The following PRPS1 variants were observed in gnomAD, a reference collection of about 807,000 sequenced individuals.
PRPS1 encodes ribose-phosphate pyrophosphokinase 1.
In PRPS1, 1 loss-of-function variant was observed where a neutral mutation model predicts 16.9. The observed-to-expected ratio is 0.06, with a 90% CI of 0.02 to 0.28. The LOEUF is 0.28. Among genes scored for constraint, PRPS1 ranks in the 10% least tolerant of loss-of-function variants. The pLI is 1.00. For synonymous variants in PRPS1, 70 were observed against 90.2 expected, an observed-to-expected ratio of 0.78 and a Z score of 1.27; for missense variants, 47 against 254.0, an observed-to-expected ratio of 0.19 and a Z score of 5.54.
intron 4 of PRPS1, among the ~76,000 whole-genome samples, chrX:107,644,440 AC>A (rs1470971896): frequency 8.9e-6 from 1 of 111,811 alleles, no homozygotes; most frequent in Non-Finnish European, 1.9e-5. Flanking sequence ...TTCTCTTCTC[AC>A]CACATCCCCA....
At chrX:107,638,577 C>T (rs1925496494) in intron 1 of PRPS1, among the ~76,000 whole-genome samples, 1 of 110,881 alleles carries the variant, frequency 9.0e-6, no homozygotes, top group Non-Finnish European at 1.9e-5. Context: ...TTCCCTTATA[C>T]TTTATTGTTA....
intron 5 of PRPS1, among the ~76,000 whole-genome samples, chrX:107,647,267 C>G (rs1925717174): frequency 8.9e-6 from 1 of 112,464 alleles, no homozygotes; most frequent in Non-Finnish European, 1.9e-5. Context: ...CACTCACACA[C>G]AAAGAGGTCA....
At chrX:107,646,171 C>T (rs980129865) in intron 5 of PRPS1, among the ~76,000 whole-genome samples, 42 of 111,553 alleles carry the variant, frequency 3.8e-4, no homozygotes, top group African/African-American at 1.3e-3. Flanking sequence ...AGTACAATTA[C>T]GGCTCACTGC....
chrX:107,630,738 A>AACAC (rs111543861), intron 1 of PRPS1, among the ~76,000 whole-genome samples: 4,464 of 95,868 alleles, frequency 0.047, 206 homozygotes, highest in African/African-American at 0.14. Context: ...TTATTTAGGA[A>AACAC]ACACACACAC....
At chrX:107,634,641 TC>T (rs1193656886) in intron 1 of PRPS1, among the ~76,000 whole-genome samples, 1 of 110,523 alleles carries the variant, frequency 9.0e-6, no homozygotes, top group African/African-American at 3.3e-5. Flanking sequence ...TTTAGAAACT[TC>T]CAGGCAAAAA....
At chrX:107,645,094 G>A (rs895650199) in intron 4 of PRPS1, 83 bp from the exon 5 acceptor site, 4 of 1,107,898 alleles carry the variant, frequency 3.6e-6, no homozygotes, top group Admixed American at 4.4e-5. Flanking sequence ...GATTACAGGC[G>A]TGAGCCACCG....
rs188712487 is a variant in PRPS1, at chrX:107,633,101, C to T, written c.122+4351C>T. Among the ~76,000 whole-genome samples, 62 of 111,532 alleles carry T rather than the reference C, an allele frequency of 5.6e-4. 1 individual carries two copies. Among genetic ancestry groups the T allele is most frequent in the African/African-American group, 2.0e-3 (61 of 30,756 alleles). On this transcript the variant is annotated intron_variant, in intron 1 of 6. Transcript: ENST00000372435. ...TTAGATACATGCCTTATAACAAACACCTTCTATGCTGAAGGTAGCTTTTAA... is the reference window on the plus strand; with the variant it reads ...TTAGATACATGCCTTATAACAAACATCTTCTATGCTGAAGGTAGCTTTTAA...
intron 1 of PRPS1, among the ~76,000 whole-genome samples, chrX:107,634,372 G>T (rs1288939223): frequency 9.3e-6 from 1 of 107,219 alleles, no homozygotes; most frequent in Non-Finnish European, 1.9e-5. Context: ...CCACCACCAC[G>T]CCCAGCTAAT....
At chrX:107,641,127 T>A (rs1925563814) in intron 3 of PRPS1, 127 bp downstream of exon 3, 1 of 1,181,291 alleles carries the variant, frequency 8.5e-7, no homozygotes, top group Non-Finnish European at 1.1e-6. Context: ...CAACAACATT[T>A]TAAATGTGTT....
chrX:107,642,523 C>T, intron 4 of PRPS1, 33 bp downstream of exon 4: 2 of 1,207,733 alleles, frequency 1.7e-6, no homozygotes, highest in Non-Finnish European at 2.2e-6. Flanking sequence ...TCCCAATGTA[C>T]TGGGAAAATC....
chrX:107,632,498 C>T (rs1339566769), intron 1 of PRPS1, among the ~76,000 whole-genome samples: 2 of 112,208 alleles, frequency 1.8e-5, no homozygotes, highest in East Asian at 5.6e-4. Context: ...TACACTTATG[C>T]CTGACCTTAA....
At chrX:107,637,948 ATATT>A (rs1925478017) in intron 1 of PRPS1, among the ~76,000 whole-genome samples, 1 of 103,639 alleles carries the variant, frequency 9.6e-6, no homozygotes, top group African/African-American at 3.6e-5. Flanking sequence ...ATATATATAT[ATATT>A]TTTTTGATAT....
chrX:107,639,265 T>G (rs367746767), intron 1 of PRPS1, 30 bp from the exon 2 acceptor site: 9 of 1,201,087 alleles, frequency 7.5e-6, no homozygotes, highest in Non-Finnish European at 1.0e-5. Flanking sequence ...GTTTAAAATC[T>G]ATTTCATGTT....
chrX:107,638,133 G>A (rs779642170), intron 1 of PRPS1, among the ~76,000 whole-genome samples: 3 of 107,506 alleles, frequency 2.8e-5, no homozygotes, highest in East Asian at 2.9e-4. Flanking sequence ...TATTTGAGAC[G>A]GAGTCTCACT....
At chrX:107,638,636 G>C (rs1317522304) in intron 1 of PRPS1, among the ~76,000 whole-genome samples, 2 of 111,552 alleles carry the variant, frequency 1.8e-5, no homozygotes, top group African/African-American at 6.5e-5. Flanking sequence ...ACCCAGGCTG[G>C]TTTTGAACTC....
At chrX:107,635,062 C>T (rs867027838) in intron 1 of PRPS1, among the ~76,000 whole-genome samples, 2 of 111,261 alleles carry the variant, frequency 1.8e-5, no homozygotes, top group South Asian at 7.6e-4. Context: ...AGGATGGTCT[C>T]GATCACCTGA....
rs749112922 is a variant in PRPS1 at position 107,639,876 on chromosome X, C to CATAG, written c.306+418_306+421dup. Among the ~76,000 whole-genome samples the CATAG allele has an allele frequency of 9.2e-3, 1,025 of 111,840 alleles. 13 individuals carry two copies. The highest frequency in any genetic ancestry group is 0.029 in the African/African-American group (893 of 30,813). ...ATATGAATACTTGATCTGATAGATA[C>CATAG]ATAGATAGATAGATAGATAGATAAA... On this transcript the variant is annotated intron_variant, in intron 2 of 6. Coordinates refer to ENST00000372435, the MANE Select transcript of PRPS1 (RefSeq NM_002764.4).
intron 1 of PRPS1, chrX:107,636,560 AC>A (rs1925447528): frequency 9.0e-6 from 1 of 111,504 alleles, no homozygotes; most frequent in African/African-American, 3.3e-5. Flanking sequence ...ACATAAACTA[AC>A]CCCATTTGTC....
At chrX:107,629,142 T>C (rs1925252883) in intron 1 of PRPS1, among the ~76,000 whole-genome samples, 1 of 111,516 alleles carries the variant, frequency 9.0e-6, no homozygotes, top group African/African-American at 3.3e-5. Context: ...TTAGACTAGC[T>C]TGCATTTAGA....
Sources: allele counts gnomAD v4.1 joint callset (sites outside exome capture counted in the v4.1 genomes callset), GRCh38; gene constraint gnomAD v4.1.1; transcripts MANE v1.5; gene names NCBI Gene and HGNC (gene_info 2026-07-23, HGNC 2026-07-21).